The following PARL variants were observed in gnomAD, a reference collection of about 807,000 sequenced individuals.
The protein encoded by PARL is presenilin associated rhomboid like, also known as presenilin-associated rhomboid-like protein, mitochondrial.
A neutral mutation model predicts 51.6 loss-of-function variants in PARL; 44 were observed. The ratio of observed to expected loss-of-function variants is 0.85; its 90% CI spans 0.67 to 1.10. PARL has a LOEUF of 1.10. Among genes scored for constraint, PARL ranks in the 50% least tolerant of loss-of-function variants. The pLI, the probability that PARL is intolerant of heterozygous loss-of-function variation, is 0.00. For synonymous variants in PARL, 172 were observed against 164.0 expected (o/e 1.05, Z -0.37); for missense variants, 441 against 469.5 (o/e 0.94, Z 0.56).
intron 9 of PARL, 137 bp downstream of exon 9, chr3:183,833,355 C>T (rs1168324344): frequency 4.2e-6 from 3 of 713,012 alleles, no homozygotes; most frequent in Admixed American, 2.0e-5. Flanking sequence ...TCCTCACCCT[C>T]CCAAGCCCAC....
At chr3:183,880,128 C>T (rs908550223) in intron 1 of PARL, among the ~76,000 whole-genome samples, 2 of 152,130 alleles carry the variant, frequency 1.3e-5, no homozygotes, top group African/African-American at 4.8e-5. Context: ...AGGTTATTCA[C>T]CTCTTCCCAA....
chr3:183,884,167 G>C (rs1300249279), intron 1 of PARL, among the ~76,000 whole-genome samples: 1 of 152,098 alleles, frequency 6.6e-6, no homozygotes, highest in African/African-American at 2.4e-5. Flanking sequence ...ACTTCTACTC[G>C]GAAGGTTCGG....
Position 183,838,187 on chromosome 3 carries a change from G to A in PARL, c.828+2383C>T, listed in dbSNP as rs185263848. On this transcript the variant is annotated intron_variant, in intron 7 of 9. Coordinates refer to ENST00000317096, the MANE Select transcript of PARL (RefSeq NM_018622.7). ...ATTACAGGTGCATGCCACCATGCCC[G>A]GCTTAATTTTGAAATTTTTTGTAGA... Among the ~76,000 whole-genome samples the A allele has an allele frequency of 8.2e-4, 125 of 151,644 alleles. 1 individual carries two copies. The highest frequency in any genetic ancestry group is 3.4e-3 in the Middle Eastern group (1 of 294).
intron 7 of PARL, 44 bp from the exon 8 acceptor site, chr3:183,833,869 A>G (rs1341429196): frequency 8.3e-7 from 1 of 1,199,596 alleles, no homozygotes; most frequent in East Asian, 2.3e-5. Flanking sequence ...TCAATATGCA[A>G]CTGCTTAGTG....
chr3:183,845,322 G>A (rs899528788), intron 4 of PARL, among the ~76,000 whole-genome samples: 1 of 152,046 alleles, frequency 6.6e-6, no homozygotes, highest in Non-Finnish European at 1.5e-5. Context: ...TTTCTAGTCT[G>A]TCCAGTTTTT....
chr3:183,871,146 G>A (rs776786621), intron 1 of PARL, among the ~76,000 whole-genome samples: 21 of 152,098 alleles, frequency 1.4e-4, no homozygotes, highest in Admixed American at 7.2e-4. Flanking sequence ...GCTTTATTGT[G>A]AGTAACTCAA....
chr3:183,831,639 A>G (rs1727951594), intron 9 of PARL, among the ~76,000 whole-genome samples: 1 of 152,262 alleles, frequency 6.6e-6, no homozygotes, highest in African/African-American at 2.4e-5. Context: ...TTATTGCAAC[A>G]GTACAATGTG....
intron 6 of PARL, 125 bp downstream of exon 6, chr3:183,842,173 G>A: frequency 1.0e-6 from 1 of 993,270 alleles, no homozygotes; most frequent in Non-Finnish European, 1.6e-6. Flanking sequence ...CATACACTGT[G>A]AGAAACAAAT....
At chr3:183,882,221 A>T (rs1577406426) in intron 1 of PARL, among the ~76,000 whole-genome samples, 1 of 48,292 alleles carries the variant, frequency 2.1e-5, no homozygotes, top group Non-Finnish European at 3.3e-5. Flanking sequence ...AAAAAAAAAA[A>T]AATATATATA....
chr3:183,841,316 T>C (rs1288982151), intron 6 of PARL, among the ~76,000 whole-genome samples: 4 of 152,208 alleles, frequency 2.6e-5, no homozygotes, highest in Admixed American at 1.3e-4. Flanking sequence ...TATACACTTA[T>C]CTTACAAGCC....
At chr3:183,874,484 C>G (rs1486202524) in intron 1 of PARL, among the ~76,000 whole-genome samples, 4 of 151,214 alleles carry the variant, frequency 2.6e-5, no homozygotes, top group African/African-American at 9.8e-5. Flanking sequence ...TCTCGACTCA[C>G]TGCAACCTCC....
intron 3 of PARL, among the ~76,000 whole-genome samples, chr3:183,865,237 G>A (rs959971799): frequency 6.6e-6 from 1 of 152,158 alleles, no homozygotes; most frequent in Non-Finnish European, 1.5e-5. Context: ...AAACCCAGGA[G>A]TTTGAGGCTT....
At chr3:183,884,588 A>C in intron 1 of PARL, 134 bp downstream of exon 1, 1 of 834,908 alleles carries the variant, frequency 1.2e-6, no homozygotes. Flanking sequence ...GAGAGAGGAG[A>C]GAGAAGGGGC....
rs140496696 is a variant in PARL, at chr3:183,884,661, G to A, written c.125+61C>T. On this transcript the variant is annotated intron_variant, in intron 1 of 9. Coordinates refer to ENST00000317096, the MANE Select transcript of PARL (RefSeq NM_018622.7). ...AGGCCCAGACGGCCTCCGCCCCCGAGGATACACGGCCAGAGCTCAGGGACC... is the reference window on the plus strand; with the variant it reads ...AGGCCCAGACGGCCTCCGCCCCCGAAGATACACGGCCAGAGCTCAGGGACC... 55 of 1,537,204 alleles carry A rather than the reference G, an allele frequency of 3.6e-5. No homozygotes were observed. In the East Asian group the frequency reaches 7.4e-4, roughly 21 times the overall value.
chr3:183,845,047 C>T (rs1729787249), intron 4 of PARL, among the ~76,000 whole-genome samples: 1 of 152,004 alleles, frequency 6.6e-6, no homozygotes. Context: ...TTATGAATTG[C>T]CACAACTCCT....
intron 3 of PARL, among the ~76,000 whole-genome samples, chr3:183,863,582 G>A (rs1577355146): frequency 1.3e-5 from 2 of 152,052 alleles, no homozygotes; most frequent in South Asian, 4.1e-4. Flanking sequence ...CTACAGATTA[G>A]TATGTATAGT....
In PARL at chr3:183,884,811, GC is replaced by G; in HGVS notation, c.35del (p.Gly12AlafsTer22). 2 of 1,596,060 alleles carry G rather than the reference GC, an allele frequency of 1.3e-6. No individual in the cohort carries two copies. On this transcript the variant is annotated frameshift_variant, in exon 1 of 10. Coordinates refer to ENST00000317096, the MANE Select transcript of PARL (RefSeq NM_018622.7). LOFTEE classifies it high-confidence loss of function. ...CCGACGCACCCCACGCCTGGCCGCAGCCCCAGCCTCTCTGCGCCCAGCCTCG... is the reference window on the plus strand; with the variant it reads ...CCGACGCACCCCACGCCTGGCCGCAGCCCAGCCTCTCTGCGCCCAGCCTCG... The part of the protein sequence containing the change: ...AWRGWAQRGW[G>X]CGQAWGASVG...
At chr3:183,866,898 T>A in intron 2 of PARL, 133 bp from the exon 3 acceptor site, 1 of 698,546 alleles carries the variant, frequency 1.4e-6, no homozygotes, top group Non-Finnish European at 2.4e-6. Context: ...CAGTGAAACC[T>A]AATAAGTGAA....
intron 1 of PARL, among the ~76,000 whole-genome samples, chr3:183,876,647 AAAAGAAAGAAAG>A (rs147502435): frequency 3.6e-5 from 5 of 137,678 alleles, no homozygotes; most frequent in African/African-American, 1.2e-4. Context: ...AAGAAAAAGA[AAAAGAAAGAAAG>A]AAAGAAAGAA....
Sources: gnomAD v4.1 joint callset for allele counts (sites outside exome capture counted in the v4.1 genomes callset) on GRCh38, gnomAD v4.1.1 for gene constraint, MANE v1.5 for transcripts, NCBI Gene and HGNC (gene_info 2026-07-23, HGNC 2026-07-21) for gene names.